Variants in COX10 observed in about 807,000 individuals in gnomAD.
COX10 encodes the protein protoheme IX farnesyltransferase, mitochondrial.
Under a neutral mutation model 37.3 loss-of-function variants are expected in COX10, and 27 were observed. That is an observed-to-expected ratio of 0.72 (90% CI 0.53 to 1.00). COX10 has a LOEUF of 1.00. COX10 is among the 50% of genes least tolerant of loss of function. COX10 has a pLI of 0.00. For missense variants in COX10, 475 were observed against 563.2 expected, an observed-to-expected ratio of 0.84 and a Z score of 1.59; for synonymous variants, 222 against 229.1, an observed-to-expected ratio of 0.97 and a Z score of 0.28.
intron 6 of COX10, among the ~76,000 whole-genome samples, chr17:14,196,136 C>T (rs1906360581): frequency 6.6e-6 from 1 of 152,248 alleles, no homozygotes; most frequent in African/African-American, 2.4e-5. Flanking sequence ...CTTTAGATCA[C>T]CACCTTTATA....
At chr17:14,094,877 A>C (rs1484082406) in intron 3 of COX10, among the ~76,000 whole-genome samples, 1 of 152,246 alleles carries the variant, frequency 6.6e-6, no homozygotes, top group African/African-American at 2.4e-5. Context: ...TTGTGTCTGT[A>C]GAAGGTGCCC....
Position 14,207,050 on chromosome 17 carries a change from C to G in COX10, c.1169C>G (p.Ala390Gly), listed in dbSNP as rs749603596. Residue 390 changes from alanine to glycine, a missense_variant, in exon 7 of 7, where the codon GCG becomes GGG. By Grantham distance (60) the Ala-to-Gly change is moderately conservative. Transcript: ENST00000261643. ...TFPIMALPIN[A>G]YISYLGFRFY... ...CCCATCATGGCCCTTCCCATCAATGCGTACATCTCCTACCTCGGCTTCCGC... is the reference window on the plus strand; with the variant it reads ...CCCATCATGGCCCTTCCCATCAATGGGTACATCTCCTACCTCGGCTTCCGC... The G allele has an allele frequency of 1.2e-6, 2 of 1,614,094 alleles. No individual in the cohort carries two copies. The highest frequency in any genetic ancestry group is 2.2e-5 in the South Asian group (2 of 91,090).
chr17:14,128,971 C>A (rs1002758962), intron 4 of COX10, among the ~76,000 whole-genome samples: 12 of 152,160 alleles, frequency 7.9e-5, no homozygotes, highest in African/African-American at 2.9e-4. Context: ...CTCAGCCCCC[C>A]AGTACCTGGT....
At chr17:14,173,067 A>C (rs1905533061) in intron 5 of COX10, among the ~76,000 whole-genome samples, 1 of 152,052 alleles carries the variant, frequency 6.6e-6, no homozygotes, top group South Asian at 2.1e-4. Flanking sequence ...TTTACTATTG[A>C]GTTGTTTGAA....
chr17:14,145,196 TG>T (rs1032755302), intron 4 of COX10, among the ~76,000 whole-genome samples: 2 of 64,556 alleles, frequency 3.1e-5, no homozygotes, highest in Non-Finnish European at 6.1e-5. Context: ...GAGGGGTGGG[TG>T]GGGGCGCTGT....
intron 3 of COX10, among the ~76,000 whole-genome samples, chr17:14,079,330 T>C (rs1317946556): frequency 6.6e-6 from 1 of 152,196 alleles, no homozygotes; most frequent in African/African-American, 2.4e-5. Flanking sequence ...TTGAAGTGAA[T>C]GAATATTTAC....
chr17:14,117,605 C>T (rs1916141357), intron 4 of COX10, among the ~76,000 whole-genome samples: 1 of 152,142 alleles, frequency 6.6e-6, no homozygotes, highest in African/African-American at 2.4e-5. Context: ...CTGCTCAAAC[C>T]CGGAGGGGGA....
At chr17:14,109,097 A>T (rs995485942) in intron 4 of COX10, among the ~76,000 whole-genome samples, 5 of 152,176 alleles carry the variant, frequency 3.3e-5, no homozygotes, top group Admixed American at 2.6e-4. Context: ...GGCAACTTGC[A>T]TTCATTCAGT....
chr17:14,206,730 C>A, intron 6 of COX10, 80 bp from the exon 7 acceptor site: 1 of 1,572,472 alleles, frequency 6.4e-7, no homozygotes, highest in Non-Finnish European at 8.7e-7. Flanking sequence ...GGCAGGCTCT[C>A]CCAGGAGAGG....
intron 4 of COX10, among the ~76,000 whole-genome samples, chr17:14,102,913 C>A (rs933042643): frequency 1.3e-5 from 2 of 151,980 alleles, no homozygotes; most frequent in Non-Finnish European, 1.5e-5. Context: ...TACCAGAACA[C>A]CCAAGAGGAG....
rs1482108779 is a variant in COX10 at position 14,102,379 on chromosome 17, T to TG, written c.624+138dup. ...TAACACTATATATCCTATAGGAGCC[T>TG]GTGGGTTTCATAACCAATTTGTCTT... On this transcript the variant is annotated intron_variant, in intron 4 of 6. Coordinates refer to ENST00000261643, the MANE Select transcript of COX10 (RefSeq NM_001303.4). The TG allele has an allele frequency of 2.3e-6, 3 of 1,330,152 alleles. No individual in the cohort carries two copies. In the African/African-American group the frequency reaches 4.4e-5, roughly 19 times the overall value. 82.4% of individuals were successfully genotyped at this position (1,330,152 alleles called of 1,614,324 possible). A position where few individuals can be genotyped will look rare whatever the true frequency, so the allele number is the denominator to read the frequency against.
chr17:14,162,343 A>G (rs186073473), intron 5 of COX10, among the ~76,000 whole-genome samples: 58 of 152,262 alleles, frequency 3.8e-4, no homozygotes, highest in African/African-American at 1.3e-3. Flanking sequence ...TACAACTTCT[A>G]CCCCTTCACA....
intron 4 of COX10, among the ~76,000 whole-genome samples, chr17:14,148,892 A>G (rs1597522040): frequency 6.7e-6 from 1 of 149,130 alleles, no homozygotes; most frequent in East Asian, 1.9e-4. Context: ...TTTGGATAAT[A>G]TATAATTAGA....
intron 6 of COX10, among the ~76,000 whole-genome samples, chr17:14,197,885 C>CTA: frequency 6.6e-6 from 1 of 152,214 alleles, no homozygotes; most frequent in African/African-American, 2.4e-5. Flanking sequence ...AGCCCTCTGT[C>CTA]TATAAAGGTA....
chr17:14,165,534 A>T (rs779245056), intron 5 of COX10, among the ~76,000 whole-genome samples: 1 of 152,140 alleles, frequency 6.6e-6, no homozygotes, highest in Admixed American at 6.5e-5. Flanking sequence ...CAGTTTCCCC[A>T]TCTCTCTCCT....
intron 4 of COX10, among the ~76,000 whole-genome samples, chr17:14,130,953 G>T (rs1194954014): frequency 6.6e-6 from 1 of 152,116 alleles, no homozygotes; most frequent in Admixed American, 6.6e-5. Context: ...TCACAAAGTA[G>T]GTCTTTGGTT....
At chr17:14,124,541 C>T (rs930552078) in intron 4 of COX10, among the ~76,000 whole-genome samples, 1 of 152,040 alleles carries the variant, frequency 6.6e-6, no homozygotes, top group East Asian at 1.9e-4. Flanking sequence ...AATGTTTGTT[C>T]TCACAGTTCA....
chr17:14,137,745 A>T (rs1904416523), intron 4 of COX10, among the ~76,000 whole-genome samples: 1 of 152,068 alleles, frequency 6.6e-6, no homozygotes, highest in Non-Finnish European at 1.5e-5. Flanking sequence ...AATGGTAGAA[A>T]AATAAATAGT....
intron 4 of COX10, among the ~76,000 whole-genome samples, chr17:14,117,821 T>A (rs769452335): frequency 6.6e-6 from 1 of 152,178 alleles, no homozygotes; most frequent in Non-Finnish European, 1.5e-5. Context: ...GCTTTCTGTA[T>A]CCCACGTTCT....
Sources: gnomAD v4.1 joint callset for allele counts (sites outside exome capture counted in the v4.1 genomes callset) on GRCh38, gnomAD v4.1.1 for gene constraint, MANE v1.5 for transcripts, NCBI Gene and HGNC (gene_info 2026-07-23, HGNC 2026-07-21) for gene names.